FMN2: variants seen among roughly 807,000 people sequenced by gnomAD.
FMN2 encodes the protein formin 2, also known as formin-2.
Under a neutral mutation model 142.3 loss-of-function variants are expected in FMN2, and 51 were observed. That is an observed-to-expected ratio of 0.36 (90% confidence interval 0.29 to 0.45). The LOEUF (loss-of-function observed/expected upper bound fraction) is 0.45. Among genes scored for constraint, FMN2 ranks in the 20% least tolerant of loss-of-function variants. The probability of loss-of-function intolerance (pLI) is 1.00; values close to 1 mark genes in which losing one functional copy is unlikely to be tolerated. For synonymous variants in FMN2, 882 were observed against 869.8 expected (o/e 1.01, Z -0.25); for missense variants, 1,936 against 2,122.8 (o/e 0.91, Z 1.73).
intron 16 of FMN2, among the ~76,000 whole-genome samples, chr1:240,442,769 G>C (rs1675670593): frequency 6.6e-6 from 1 of 152,164 alleles, no homozygotes; most frequent in African/African-American, 2.4e-5. Context: ...TGATTTGGTT[G>C]ATATATTTCT....
At position 240,178,016 on chromosome 1, in the gene FMN2, G is replaced by C; in HGVS notation, c.1878G>C (p.Gly626=). 1.2e-6 allele frequency: 2 copies of C among 1,612,182 alleles called. No homozygotes were observed. Among genetic ancestry groups the C allele is most frequent in the Non-Finnish European group, 1.7e-6 (2 of 1,179,300 alleles). Residue 626 remains glycine, a synonymous_variant, in exon 3 of 18, where the codon GGG becomes GGC. Transcript: ENST00000319653. ...TTCCTAGGCGAGTTCCATCCATGGG[G>C]CCACCATCCAAACCTCCCGATGAGG... The part of the protein sequence containing the change: ...GQFPRRVPSM[G]PPSKPPDEEH...
chr1:240,209,850 G>A (rs1177959348), intron 5 of FMN2, among the ~76,000 whole-genome samples: 3 of 151,882 alleles, frequency 2.0e-5, no homozygotes, highest in African/African-American at 7.2e-5. Context: ...CTTGCAGTGA[G>A]CCGAGATCGC....
intron 1 of FMN2, among the ~76,000 whole-genome samples, chr1:240,116,980 T>C (rs568039187): frequency 2.7e-4 from 40 of 148,456 alleles, no homozygotes; most frequent in African/African-American, 8.1e-4. Flanking sequence ...GTTCTTTCGG[T>C]TTTTTTTTTA....
At chr1:240,246,321 G>A (rs986145882) in intron 6 of FMN2, among the ~76,000 whole-genome samples, 2 of 152,178 alleles carry the variant, frequency 1.3e-5, no homozygotes, top group East Asian at 1.9e-4. Context: ...GTAGGCTGGC[G>A]CTGTGGAACA....
rs1375418532 is a variant in FMN2, at chr1:240,092,346, G to C, written c.237G>C (p.Arg79=). 1 of 1,609,030 alleles carries C rather than the reference G, an allele frequency of 6.2e-7. No individual in the cohort carries two copies. The highest frequency in any genetic ancestry group is 1.7e-5 in the Admixed American group (1 of 59,834). ...DSRASVFSNL[R]IRKNLSKGKG... is the part of the protein sequence containing the mutation. Reference sequence around the variant, plus strand: ...GAGCCTCGGTGTTTTCCAACCTGCGGATCAGGAAGAATCTGTCCAAGGGGA... The same window carrying C: ...GAGCCTCGGTGTTTTCCAACCTGCGCATCAGGAAGAATCTGTCCAAGGGGA... Residue 79 remains arginine, a synonymous_variant, in exon 1 of 18, where the codon CGG becomes CGC. Coordinates refer to ENST00000319653, the MANE Select transcript of FMN2 (RefSeq NM_020066.5).
At chr1:240,290,884 T>A (rs1669762654) in intron 7 of FMN2, among the ~76,000 whole-genome samples, 1 of 145,620 alleles carries the variant, frequency 6.9e-6, no homozygotes, top group Admixed American at 7.2e-5. Context: ...TTGGCCTAGG[T>A]AGATCTAGGC....
chr1:240,218,458 C>T (rs1044874481), intron 6 of FMN2, among the ~76,000 whole-genome samples: 2 of 151,770 alleles, frequency 1.3e-5, no homozygotes, highest in African/African-American at 4.8e-5. Flanking sequence ...ACCTGTAGAC[C>T]CACCTACAAG....
At chr1:240,437,533 A>G (rs1220771859) in intron 15 of FMN2, among the ~76,000 whole-genome samples, 4 of 151,780 alleles carry the variant, frequency 2.6e-5, no homozygotes, top group Non-Finnish European at 5.9e-5. Context: ...CGATCTCCTG[A>G]CCTCGTGATC....
At chr1:240,162,268 A>C (rs1040247441) in intron 2 of FMN2, among the ~76,000 whole-genome samples, 1 of 152,176 alleles carries the variant, frequency 6.6e-6, no homozygotes, top group African/African-American at 2.4e-5. Context: ...GTTCGAGACC[A>C]GCCTGACCAA....
chr1:240,338,650 A>T (rs1470922257), intron 13 of FMN2, among the ~76,000 whole-genome samples: 6 of 152,128 alleles, frequency 3.9e-5, no homozygotes, highest in Non-Finnish European at 8.8e-5. Context: ...CATGCTGTAT[A>T]TACTGCCCAC....
At chr1:240,390,359 A>T (rs149658800) in intron 14 of FMN2, among the ~76,000 whole-genome samples, 192 of 152,308 alleles carry the variant, frequency 1.3e-3, no homozygotes, top group African/African-American at 4.1e-3. Flanking sequence ...TGTTCCCTCG[A>T]TAAGAATCAG....
intron 14 of FMN2, among the ~76,000 whole-genome samples, chr1:240,374,802 C>T (rs1445262103): frequency 1.3e-5 from 2 of 152,134 alleles, no homozygotes; most frequent in Non-Finnish European, 2.9e-5. Context: ...AATAACTTTT[C>T]CTTTGCATTA....
intron 2 of FMN2, among the ~76,000 whole-genome samples, chr1:240,153,423 C>T (rs1315724845): frequency 3.9e-5 from 5 of 129,660 alleles, no homozygotes; most frequent in African/African-American, 5.8e-5. Context: ...TGCAGTTGTA[C>T]GATCATAGCT....
chr1:240,141,650 G>A (rs980623432), intron 2 of FMN2, among the ~76,000 whole-genome samples: 11 of 152,102 alleles, frequency 7.2e-5, no homozygotes, highest in African/African-American at 1.9e-4. Flanking sequence ...GATTACAGGC[G>A]TGAGCCACCA....
At chr1:240,135,682 CTTTT>C (rs201355071) in intron 2 of FMN2, among the ~76,000 whole-genome samples, 2 of 136,170 alleles carry the variant, frequency 1.5e-5, no homozygotes, top group African/African-American at 2.7e-5. Flanking sequence ...TGTCATGTTT[CTTTT>C]TTTTTTTTTT....
Position 240,391,160 on chromosome 1 carries a change from A to G in FMN2, c.4859-1351A>G, listed in dbSNP as rs1275235477. On this transcript the variant is annotated intron_variant, in intron 14 of 17. Transcript: ENST00000319653. ...GTTAACAATTGACCTGTAAGTTTAT[A>G]CAAACAATCTGACATACAAAAAGGG... 5.3e-5 allele frequency among the ~76,000 whole-genome samples: 8 copies of G among 152,274 alleles called. No individual in the cohort carries two copies. The East Asian group carries it at 1.5e-3, about 29-fold the overall frequency.
intron 2 of FMN2, among the ~76,000 whole-genome samples, chr1:240,150,028 C>G (rs2103270359): frequency 2.0e-5 from 3 of 152,212 alleles, no homozygotes; most frequent in Non-Finnish European, 4.4e-5. Context: ...TTGTCCTCTT[C>G]TGATACAGCA....
chr1:240,366,562 G>A (rs1159774746), intron 14 of FMN2, among the ~76,000 whole-genome samples: 1 of 146,544 alleles, frequency 6.8e-6, no homozygotes, highest in Non-Finnish European at 1.5e-5. Context: ...AATTTGAGAT[G>A]GAGTTTCGCT....
intron 15 of FMN2, among the ~76,000 whole-genome samples, chr1:240,404,863 A>G (rs1182633483): frequency 1.3e-5 from 2 of 152,224 alleles, no homozygotes; most frequent in African/African-American, 2.4e-5. Flanking sequence ...GCGCTTTTCA[A>G]GTAGAAGGAT....
Sources: allele counts gnomAD v4.1 joint callset (sites outside exome capture counted in the v4.1 genomes callset), GRCh38; gene constraint gnomAD v4.1.1; transcripts MANE v1.5; gene names NCBI Gene and HGNC (gene_info 2026-07-23, HGNC 2026-07-21).